The following SPPL2B variants were observed in gnomAD, a reference collection of about 807,000 sequenced individuals.
The protein encoded by SPPL2B is signal peptide peptidase-like 2B.
SPPL2B carries 39 observed loss-of-function variants against 59.7 expected under a neutral mutation model. The ratio of observed to expected loss-of-function variants is 0.65; its 90% CI spans 0.51 to 0.85. The LOEUF (loss-of-function observed/expected upper bound fraction) is 0.85, where lower values mean the gene tolerates loss of function less well. SPPL2B is among the 40% of genes least tolerant of loss of function. The pLI is 0.00. For missense variants in SPPL2B, 865 were observed against 849.0 expected, an observed-to-expected ratio of 1.02 and a Z score of -0.23; for synonymous variants, 419 against 370.8, an observed-to-expected ratio of 1.13 and a Z score of -1.49.
In SPPL2B at chr19:2,353,098, CGAG is replaced by C. The variant is rs1568458631; in HGVS notation, c.1672_1674del (p.Glu558del). 7 of 1,611,322 alleles carry C rather than the reference CGAG, an allele frequency of 4.3e-6. No homozygotes were observed. In the East Asian group the frequency reaches 1.6e-4, roughly 36 times the overall value. ...AGCAGTCCCCAAAATCACGCACGTC[CGAG>C]GAGATGGGGGCTGGAGCCCCCATGC... On this transcript the variant is annotated inframe_deletion, in exon 15 of 15. Coordinates refer to ENST00000613503, the MANE Select transcript of SPPL2B (RefSeq NM_152988.3).
At chr19:2,336,398 ATG>A (rs1205089443) in intron 2 of SPPL2B, among the ~76,000 whole-genome samples, 5 of 151,042 alleles carry the variant, frequency 3.3e-5, no homozygotes, top group Admixed American at 2.6e-4. Flanking sequence ...GTCTGTGTGT[ATG>A]TGTGTGTACA....
intron 1 of SPPL2B, among the ~76,000 whole-genome samples, chr19:2,334,385 C>T (rs2145143799): frequency 6.6e-6 from 1 of 152,362 alleles, no homozygotes; most frequent in South Asian, 2.1e-4. Context: ...CAGCCTGGGG[C>T]TCCCTGAGGA....
At chr19:2,347,933 CCA>C (rs1282085406) in intron 13 of SPPL2B, among the ~76,000 whole-genome samples, 1 of 44,640 alleles carries the variant, frequency 2.2e-5, no homozygotes, top group Non-Finnish European at 5.4e-5. Flanking sequence ...TTCTCTCCCT[CCA>C]CACACACACT....
chr19:2,344,085 CGCCCCCTCGCAACCCCCGCCCCATCA>C, intron 10 of SPPL2B, 46 bp downstream of exon 10: 1 of 1,347,978 alleles, frequency 7.4e-7, no homozygotes, highest in South Asian at 1.3e-5. Context: ...CCCGCTCCCC[CGCCCCCTCGCAACCCCCGCCCCATCA>C]CCCCCCCCAT....
chr19:2,350,763 C>G (rs532825514), intron 13 of SPPL2B, among the ~76,000 whole-genome samples: 1 of 152,240 alleles, frequency 6.6e-6, no homozygotes, highest in African/African-American at 2.4e-5. Flanking sequence ...TGGCAGGACG[C>G]GGGTGGGTTC....
At chr19:2,350,717 G>A (rs1002538918) in intron 13 of SPPL2B, among the ~76,000 whole-genome samples, 51 of 152,364 alleles carry the variant, frequency 3.3e-4, no homozygotes, top group African/African-American at 9.1e-4. Context: ...GCGACATCAC[G>A]TTTGCGTTTG....
At chr19:2,352,489 G>A (rs1193805251) in intron 14 of SPPL2B, among the ~76,000 whole-genome samples, 1 of 152,184 alleles carries the variant, frequency 6.6e-6, no homozygotes, top group African/African-American at 2.4e-5. Flanking sequence ...GTGATGCATT[G>A]GGTCGAGCTG....
rs1339723608 is a variant in SPPL2B at position 2,339,859 on chromosome 19, A to C, written c.635A>C (p.Glu212Ala). 6.2e-7 allele frequency: 1 copy of C among 1,605,042 alleles called. No homozygotes were observed. The highest frequency in any genetic ancestry group is 1.7e-5 in the Admixed American group (1 of 58,700). Residue 212 changes from glutamate to alanine, a missense_variant, in exon 6 of 15, where the codon GAG becomes GCG. By Grantham distance (107) the Glu-to-Ala change is moderately radical. Coordinates refer to ENST00000613503, the MANE Select transcript of SPPL2B (RefSeq NM_152988.3). The stretch of plus-strand genomic sequence containing the variant: ...AAGCACAAGCGCGACGATGGGCCCG[A>C]GAAGCAGGAGGACGAGGCGGTGGAC... Reference protein sequence around the residue: ...YMKHKRDDGPEKQEDEAVDVT... With the variant: ...YMKHKRDDGPAKQEDEAVDVT...
chr19:2,331,733 G>A (rs1437116375), intron 1 of SPPL2B, among the ~76,000 whole-genome samples: 1 of 152,220 alleles, frequency 6.6e-6, no homozygotes, highest in African/African-American at 2.4e-5. Flanking sequence ...TGATCCCATA[G>A]AACAGAGCTT....
Position 2,353,390 on chromosome 19 carries a change from C to T in SPPL2B, c.*181C>T. ...CCTGCGGTCTGTGCCCGCGCCCAGC[C>T]CAGCTGCCCCGGCTGCACGCCTGCT... On this transcript the variant is annotated 3_prime_UTR_variant, in exon 15 of 15. Coordinates refer to ENST00000613503, the MANE Select transcript of SPPL2B (RefSeq NM_152988.3). 1.4e-6 allele frequency: 1 copy of T among 730,900 alleles called. No individual in the cohort carries two copies. The highest frequency in any genetic ancestry group is 1.9e-5 in the South Asian group (1 of 52,070). The allele number at this position is 730,900 out of a possible 1,614,324, so 45.3% of individuals were successfully genotyped here.
chr19:2,351,021 C>A (rs1969897950), intron 13 of SPPL2B, among the ~76,000 whole-genome samples: 2 of 152,218 alleles, frequency 1.3e-5, no homozygotes, highest in Non-Finnish European at 2.9e-5. Context: ...GCTCAGTGTT[C>A]AAGGGTTTTC....
Position 2,337,520 on chromosome 19 carries a change from C to G in SPPL2B, c.264C>G (p.Asn88Lys), listed in dbSNP as rs1259900199. 2 of 1,613,300 alleles carry G rather than the reference C, an allele frequency of 1.2e-6. No homozygotes were observed. The highest frequency in any genetic ancestry group is 2.2e-5 in the South Asian group (2 of 91,066). The change falls in exon 3 of 15, where the codon AAC becomes AAG. Residue 88 changes from asparagine to lysine, a missense_variant. Coordinates refer to ENST00000613503, the MANE Select transcript of SPPL2B (RefSeq NM_152988.3). ...AADLPARGFS[N>K]QIPLVARGNC... is the part of the protein sequence containing the mutation. ...ACCTCCCCGCCCGTGGCTTCAGCAA[C>G]CAGATCCCGCTGGTGGCGCGGGGGA...
intron 6 of SPPL2B, 24 bp from the exon 7 acceptor site, chr19:2,340,052 G>A (rs758213494): frequency 1.6e-5 from 25 of 1,578,062 alleles, no homozygotes; most frequent in East Asian, 2.3e-5. Flanking sequence ...CCTGGCCCCC[G>A]GCCTCACGGC....
intron 4 of SPPL2B, 28 bp downstream of exon 4, chr19:2,338,869 C>G (rs773473450): frequency 1.2e-6 from 2 of 1,603,086 alleles, no homozygotes; most frequent in East Asian, 2.2e-5. Flanking sequence ...CAGACCCACG[C>G]TCCCGAGGAG....
chr19:2,330,952 G>T (rs1247224063), intron 1 of SPPL2B, among the ~76,000 whole-genome samples: 3 of 152,222 alleles, frequency 2.0e-5, no homozygotes, highest in African/African-American at 4.8e-5. Context: ...CCTGGAGGGG[G>T]GCAGTGCTTC....
At chr19:2,348,677 A>ACG (rs1352131342) in intron 13 of SPPL2B, among the ~76,000 whole-genome samples, 18 of 33,656 alleles carry the variant, frequency 5.3e-4, no homozygotes, top group African/African-American at 1.2e-3. Context: ...ACACACACTC[A>ACG]CGCTCTCATT....
At chr19:2,334,811 A>G (rs1260367910) in intron 2 of SPPL2B, 90 bp downstream of exon 2, 1 of 1,428,384 alleles carries the variant, frequency 7.0e-7, no homozygotes, top group Non-Finnish European at 9.2e-7. Flanking sequence ...TGCAGGAAAG[A>G]TCCAGAGGCG....
At position 2,337,537 on chromosome 19, in the gene SPPL2B, C is replaced by G; in HGVS notation, c.281C>G (p.Ala94Gly). The G allele has an allele frequency of 1.2e-6, 2 of 1,612,860 alleles. No individual in the cohort carries two copies. The highest frequency in any genetic ancestry group is 1.7e-6 in the Non-Finnish European group (2 of 1,179,668). ...RGFSNQIPLV[A>G]RGNCTFYEKV... ...TTCAGCAACCAGATCCCGCTGGTGG[C>G]GCGGGGGAACTGCACCTTCTATGAG... Residue 94 changes from alanine (A) to glycine (G), a missense_variant, in exon 3 of 15, where the codon GCG becomes GGG. Transcript: ENST00000613503.
chr19:2,348,250 A>C (rs1304567818), intron 13 of SPPL2B, among the ~76,000 whole-genome samples: 6 of 33,408 alleles, frequency 1.8e-4, no homozygotes, highest in East Asian at 1.1e-3. Flanking sequence ...TTCTCTCTCC[A>C]CACACACTCA....
Sources: allele counts gnomAD v4.1 joint callset (sites outside exome capture counted in the v4.1 genomes callset), GRCh38; gene constraint gnomAD v4.1.1; transcripts MANE v1.5; gene names NCBI Gene and HGNC (gene_info 2026-07-23, HGNC 2026-07-21).